The following SLC45A4 variants were observed in gnomAD, a reference collection of about 807,000 sequenced individuals.
The protein encoded by SLC45A4 is solute carrier family 45 member 4.
A neutral mutation model predicts 63.7 loss-of-function variants in SLC45A4; 32 were observed. The ratio of observed to expected loss-of-function variants is 0.50; its 90% CI spans 0.38 to 0.67. The LOEUF (loss-of-function observed/expected upper bound fraction) is 0.67. Among genes scored for constraint, SLC45A4 ranks in the 30% least tolerant of loss-of-function variants. The probability of loss-of-function intolerance (pLI) is 0.00; values close to 1 mark genes in which losing one functional copy is unlikely to be tolerated. For synonymous variants in SLC45A4, 535 were observed against 510.0 expected (o/e 1.05, Z -0.66); for missense variants, 1,027 against 1,157.7 (o/e 0.89, Z 1.64).
intron 1 of SLC45A4, among the ~76,000 whole-genome samples, chr8:141,270,909 G>A (rs575729442): frequency 2.6e-5 from 4 of 152,212 alleles, no homozygotes; most frequent in South Asian, 2.1e-4. Flanking sequence ...CCCCAGCCAC[G>A]GCAAGATCCC....
rs77920515 is a variant in SLC45A4, at chr8:141,270,632, C to T, written c.-400-16003G>A. On this transcript the variant is annotated intron_variant, in intron 1 of 8. Transcript: ENST00000517878. ...GCTGCAGTGAGCCAAGATCGCATCG[C>T]TGCACTCTAGCCAGGGTGACAGAGT... is the stretch of plus-strand genomic sequence containing the variant. Among the ~76,000 whole-genome samples the T allele has an allele frequency of 9.8e-5, 15 of 152,302 alleles. No individual in the cohort carries two copies. In the East Asian group the frequency reaches 2.1e-3, roughly 22 times the overall value.
At chr8:141,252,540 C>G (rs987504984) in intron 2 of SLC45A4, 6 of 118,732 alleles carry the variant, frequency 5.1e-5, no homozygotes, top group African/African-American at 1.5e-4. Context: ...CCCACCTGTG[C>G]GTCTGTGAAT....
chr8:141,254,511 A>G lies in SLC45A4; in HGVS notation c.-282T>C. 1.4e-6 allele frequency: 1 copy of G among 698,974 alleles called. No homozygotes were observed. The allele number at this position is 698,974 out of a possible 1,614,324, so 43.3% of individuals were successfully genotyped here. On this transcript the variant is annotated 5_prime_UTR_variant, in exon 2 of 9. Transcript: ENST00000517878. This position sits in a 1 kb window ranked among gnomAD's most constrained non-coding sequence, Gnocchi z 4.5. ...AAAATCCATAATTGCCATTCAGTTA[A>G]TACCAGTTTCATCATTATTACTGAA...
chr8:141,307,843 TG>T (rs1209223460), intron 1 of SLC45A4, among the ~76,000 whole-genome samples: 8 of 87,730 alleles, frequency 9.1e-5, no homozygotes, highest in Non-Finnish European at 1.6e-4. Context: ...GCTGCAGGGC[TG>T]GGGACCAGGG....
chr8:141,222,626 C>T (rs373382469), intron 2 of SLC45A4, among the ~76,000 whole-genome samples: 7 of 152,354 alleles, frequency 4.6e-5, no homozygotes, highest in Middle Eastern at 3.4e-3. Flanking sequence ...ACCAACCAGG[C>T]GGGCAAACAG....
At chr8:141,266,661 C>T (rs1402918463) in intron 1 of SLC45A4, among the ~76,000 whole-genome samples, 1 of 152,218 alleles carries the variant, frequency 6.6e-6, no homozygotes, top group Non-Finnish European at 1.5e-5. Flanking sequence ...TCGCAAAAGA[C>T]ATATCTGATA....
chr8:141,285,276 C>G (rs929383929), intron 1 of SLC45A4, among the ~76,000 whole-genome samples: 2 of 152,280 alleles, frequency 1.3e-5, no homozygotes, highest in Non-Finnish European at 2.9e-5. Context: ...ATCCTCGGGT[C>G]ACGCAGCCTC....
At chr8:141,269,684 T>C (rs955760772) in intron 1 of SLC45A4, among the ~76,000 whole-genome samples, 7 of 151,448 alleles carry the variant, frequency 4.6e-5, no homozygotes, top group African/African-American at 9.8e-5. Context: ...TGTGGGCATG[T>C]GTATGTGTGT....
At chr8:141,259,162 G>A (rs938262998) in intron 1 of SLC45A4, among the ~76,000 whole-genome samples, 2 of 152,232 alleles carry the variant, frequency 1.3e-5, no homozygotes, top group African/African-American at 4.8e-5. Context: ...ATGAAAAGGA[G>A]GGAGACCAGC....
intron 1 of SLC45A4, among the ~76,000 whole-genome samples, chr8:141,298,696 G>A (rs1051558484): frequency 8.5e-5 from 13 of 152,214 alleles, no homozygotes; most frequent in African/African-American, 3.1e-4. Flanking sequence ...TGGCAGCCAG[G>A]AGTCCTTCCT....
chr8:141,249,153 T>C (rs934381650), intron 2 of SLC45A4, among the ~76,000 whole-genome samples: 2 of 152,092 alleles, frequency 1.3e-5, no homozygotes, highest in Non-Finnish European at 2.9e-5. Context: ...GGAACTGTCC[T>C]ACGCTGCAGT....
intron 7 of SLC45A4, 25 bp from the exon 8 acceptor site, chr8:141,212,581 G>C: frequency 6.4e-7 from 1 of 1,570,678 alleles, no homozygotes; most frequent in Non-Finnish European, 8.6e-7. Flanking sequence ...ACACGAGGCG[G>C]TGAGCGGCTG....
chr8:141,297,264 G>A lies in SLC45A4; in HGVS notation c.-401+10832C>T, dbSNP rs533677491. On this transcript the variant is annotated intron_variant, in intron 1 of 8. Transcript: ENST00000517878. ...CAACAGGGCTCCACCAAGAAGAGGCGGGCACCCGGTGGGCGCCGGGCACTC... is the reference window on the plus strand; with the variant it reads ...CAACAGGGCTCCACCAAGAAGAGGCAGGCACCCGGTGGGCGCCGGGCACTC... Among the ~76,000 whole-genome samples, 14 of 152,176 alleles carry A rather than the reference G, an allele frequency of 9.2e-5. No individual in the cohort carries two copies. The South Asian group carries it at 1.2e-3, about 14-fold the overall frequency.
At chr8:141,269,547 G>T (rs1247780645) in intron 1 of SLC45A4, among the ~76,000 whole-genome samples, 1 of 150,494 alleles carries the variant, frequency 6.6e-6, no homozygotes, top group Non-Finnish European at 1.5e-5. Context: ...TGTGTGTGTG[G>T]GTGTGTCTGT....
chr8:141,302,143 A>G lies in SLC45A4; in HGVS notation c.-401+5953T>C, dbSNP rs558103727. ...TTGGATACTTTTTAAAAAGCAATACAATGGTTACTTTTAAATGCCAACATT... is the reference window on the plus strand; with the variant it reads ...TTGGATACTTTTTAAAAAGCAATACGATGGTTACTTTTAAATGCCAACATT... On this transcript the variant is annotated intron_variant, in intron 1 of 8. Coordinates refer to ENST00000517878, the MANE Select transcript of SLC45A4 (RefSeq NM_001286646.2). Among the ~76,000 whole-genome samples the G allele has an allele frequency of 2.0e-5, 3 of 152,314 alleles. No homozygotes were observed. The East Asian group carries it at 5.8e-4, about 29-fold the overall frequency.
Position 141,244,259 on chromosome 8 carries a change from C to G in SLC45A4, c.241+9730G>C, listed in dbSNP as rs192312277. ...GAGGTTCCCCTGTGCCTCCTCCAAG[C>G]GAGCAGCTCCAGATGGAGTCCAGCC... On this transcript the variant is annotated intron_variant, in intron 2 of 8. Transcript: ENST00000517878. 3.1e-3 allele frequency among the ~76,000 whole-genome samples: 472 copies of G among 152,314 alleles called. 1 individual carries two copies. Among genetic ancestry groups the G allele is most frequent in the African/African-American group, 0.011 (452 of 41,580 alleles).
intron 1 of SLC45A4, among the ~76,000 whole-genome samples, chr8:141,301,166 G>A (rs566157762): frequency 3.3e-5 from 5 of 152,176 alleles, no homozygotes; most frequent in South Asian, 2.1e-4. Flanking sequence ...CCCAGGGAAC[G>A]TTCCAGCAAC....
At chr8:141,231,268 G>C (rs1241218158) in intron 2 of SLC45A4, among the ~76,000 whole-genome samples, 1 of 152,234 alleles carries the variant, frequency 6.6e-6, no homozygotes, top group Non-Finnish European at 1.5e-5. Flanking sequence ...TGGGCTGAGA[G>C]TGTGGCCCCT....
At chr8:141,297,279 G>A (rs898195642) in intron 1 of SLC45A4, among the ~76,000 whole-genome samples, 8 of 152,020 alleles carry the variant, frequency 5.3e-5, no homozygotes, top group Non-Finnish European at 7.4e-5. Context: ...CCCGGTGGGC[G>A]CCGGGCACTC....
Sources: gnomAD v4.1 joint callset for allele counts (sites outside exome capture counted in the v4.1 genomes callset) on GRCh38, gnomAD v4.1.1 for gene constraint, Gnocchi (gnomAD v3.1) non-coding constraint, MANE v1.5 for transcripts, NCBI Gene and HGNC (gene_info 2026-07-23, HGNC 2026-07-21) for gene names.